Variants in ARHGAP29 observed in about 807,000 individuals in gnomAD.
ARHGAP29 encodes the protein Rho GTPase activating protein 29.
In ARHGAP29, 43 loss-of-function variants were observed where a neutral mutation model predicts 122.6. That is an observed-to-expected ratio of 0.35 (90% confidence interval 0.27 to 0.45). The LOEUF is 0.45. Ranked by LOEUF, ARHGAP29 falls within the 20% of genes least tolerant of loss-of-function variation. ARHGAP29 has a pLI of 1.00. For synonymous variants in ARHGAP29, 506 were observed against 497.1 expected, an observed-to-expected ratio of 1.02 and a Z score of -0.24; for missense variants, 1,303 against 1,477.2, an observed-to-expected ratio of 0.88 and a Z score of 1.93.
chr1:94,196,272 T>TC (rs1412987029), intron 12 of ARHGAP29, among the ~76,000 whole-genome samples: 3 of 142,442 alleles, frequency 2.1e-5, no homozygotes, highest in Non-Finnish European at 4.6e-5. Flanking sequence ...TTTTTTTTTT[T>TC]TTTTTTTGAG....
At chr1:94,215,267 T>A (rs913054808) in intron 3 of ARHGAP29, among the ~76,000 whole-genome samples, 1 of 151,658 alleles carries the variant, frequency 6.6e-6, no homozygotes, top group Non-Finnish European at 1.5e-5. Context: ...TAAATATGTA[T>A]ATTTTCCTTA....
chr1:94,185,199 T>C, intron 17 of ARHGAP29, 139 bp from the exon 18 acceptor site: 1 of 1,205,424 alleles, frequency 8.3e-7, no homozygotes, highest in Non-Finnish European at 1.1e-6. Context: ...AACAACAAAA[T>C]AAAATATAAA....
intron 18 of ARHGAP29, 136 bp downstream of exon 18, chr1:94,184,736 A>AAAACAAAACAGG: frequency 1.4e-6 from 1 of 706,730 alleles, no homozygotes; most frequent in Non-Finnish European, 2.2e-6. Context: ...CCTGGGCAAC[A>AAAACAAAACAGG]GAGTGAGACC....
intron 1 of ARHGAP29, among the ~76,000 whole-genome samples, chr1:94,265,095 C>G (rs1390246643): frequency 6.6e-6 from 1 of 152,240 alleles, no homozygotes; most frequent in African/African-American, 2.4e-5. Context: ...CCAGCTGCAT[C>G]TTAACGAACT....
the ARHGAP29 span, among the ~76,000 whole-genome samples, chr1:94,280,745 A>T: frequency 2.2e-4 from 34 of 152,206 alleles, no homozygotes; most frequent in African/African-American, 7.5e-4. Context: ...TTGATGTCTG[A>T]TGTGTAATAG....
chr1:94,243,456 G>A (rs185346584), intron 1 of ARHGAP29, among the ~76,000 whole-genome samples: 43 of 152,048 alleles, frequency 2.8e-4, no homozygotes, highest in Admixed American at 9.2e-4. Context: ...TAACCAATGG[G>A]TCAAATTTCC....
chr1:94,250,060 T>C (rs1654022275), intron 1 of ARHGAP29, among the ~76,000 whole-genome samples: 2 of 152,118 alleles, frequency 1.3e-5, no homozygotes, highest in African/African-American at 4.8e-5. Flanking sequence ...GAACCAAATA[T>C]GATGGTCACA....
intron 12 of ARHGAP29, chr1:94,196,012 T>C (rs1049370525): frequency 6.6e-6 from 1 of 152,088 alleles, no homozygotes; most frequent in African/African-American, 2.4e-5. Flanking sequence ...CTGATAGAAC[T>C]AAAAACACAC....
intron 1 of ARHGAP29, among the ~76,000 whole-genome samples, chr1:94,235,040 AAC>A (rs1168965965): frequency 6.6e-6 from 1 of 152,164 alleles, no homozygotes; most frequent in East Asian, 1.9e-4. Context: ...GCAAAAAACA[AAC>A]ACAGCAACAA....
chr1:94,185,498 T>C lies in ARHGAP29; in HGVS notation c.1781-17A>G. Reference sequence around the variant, plus strand: ...AATTGGGTCCTTGCAAGAGAAATAATTTACAAAAATTGTAAAATGATAGAA... The same window carrying C: ...AATTGGGTCCTTGCAAGAGAAATAACTTACAAAAATTGTAAAATGATAGAA... On this transcript the variant is annotated splice_polypyrimidine_tract_variant and intron_variant, in intron 16 of 22. Coordinates refer to ENST00000260526, the MANE Select transcript of ARHGAP29 (RefSeq NM_004815.4). 6.3e-7 allele frequency: 1 copy of C among 1,575,490 alleles called. No homozygotes were observed. The highest frequency in any genetic ancestry group is 8.6e-7 in the Non-Finnish European group (1 of 1,162,834).
intron 15 of ARHGAP29, among the ~76,000 whole-genome samples, chr1:94,186,958 A>G (rs1459017997): frequency 6.6e-6 from 1 of 152,230 alleles, no homozygotes; most frequent in African/African-American, 2.4e-5. Flanking sequence ...GCACAACAGT[A>G]AAGTTGTCAT....
At chr1:94,217,313 C>G (rs983321995) in intron 3 of ARHGAP29, among the ~76,000 whole-genome samples, 2 of 151,228 alleles carry the variant, frequency 1.3e-5, no homozygotes, top group Non-Finnish European at 2.9e-5. Flanking sequence ...GCAGGCAGAT[C>G]ACTTGAGGTC....
At chr1:94,230,049 T>C (rs1245004472) in intron 2 of ARHGAP29, among the ~76,000 whole-genome samples, 1 of 151,742 alleles carries the variant, frequency 6.6e-6, no homozygotes, top group African/African-American at 2.4e-5. Context: ...TCAAGGTAAA[T>C]GACTTGTCAA....
Position 94,178,202 on chromosome 1 carries a change from T to G in ARHGAP29, c.2481-35A>C, listed in dbSNP as rs1398754847. On this transcript the variant is annotated intron_variant, in intron 20 of 22. Coordinates refer to ENST00000260526, the MANE Select transcript of ARHGAP29 (RefSeq NM_004815.4). The stretch of plus-strand genomic sequence containing the variant: ...AGAACACATAAAGTTGTATGAGATT[T>G]TCCTATTAGAGTTCCTTGACTGTAG... 2.5e-6 allele frequency: 4 copies of G among 1,569,842 alleles called. No individual in the cohort carries two copies. The South Asian group carries it at 4.8e-5, about 19-fold the overall frequency.
the ARHGAP29 span, among the ~76,000 whole-genome samples, chr1:94,295,740 A>AC: frequency 9.2e-5 from 14 of 151,416 alleles, no homozygotes; most frequent in South Asian, 1.9e-3. Context: ...GAATCTTCTA[A>AC]TTCCACACAA....
chr1:94,174,838 A>G lies in ARHGAP29; in HGVS notation c.2906-89T>C, dbSNP rs150448399. The G allele has an allele frequency of 3.9e-4, 540 of 1,367,462 alleles. 5 individuals are homozygous for G. In the African/African-American group the frequency reaches 6.3e-3, roughly 16 times the overall value. The allele number at this position is 1,367,462 out of a possible 1,614,324, so 84.7% of individuals were successfully genotyped here. ...TAGAGATGAACACTCTATCAAGACA[A>G]TATGAGTCTTACATATTTTTTCCAA... On this transcript the variant is annotated intron_variant, in intron 22 of 22. Transcript: ENST00000260526.
rs529282978 is a variant in ARHGAP29, at chr1:94,259,793, G to A, written c.-33+15219C>T. 2.6e-5 allele frequency among the ~76,000 whole-genome samples: 4 copies of A among 152,266 alleles called. No homozygotes were observed. The East Asian group carries it at 5.8e-4, about 22-fold the overall frequency. ...GTGGTAGTTTGTTAAAGCAGCCACA[G>A]GAAACTAATACACATGATAAAGAAA... On this transcript the variant is annotated intron_variant and NMD_transcript_variant, in intron 1 of 25. Transcript: ENST00000552844.
chr1:94,209,878 AC>A (rs1224890480), intron 3 of ARHGAP29, among the ~76,000 whole-genome samples: 3 of 152,224 alleles, frequency 2.0e-5, no homozygotes, highest in South Asian at 4.1e-4. Context: ...TTAAAAAAAA[AC>A]ACCCAGTGAT....
At chr1:94,221,018 T>TATC in intron 2 of ARHGAP29, among the ~76,000 whole-genome samples, 1 of 152,288 alleles carries the variant, frequency 6.6e-6, no homozygotes, top group South Asian at 2.1e-4. Context: ...CTCTCTTAGA[T>TATC]AGATGAGTTT....
Sources: allele counts gnomAD v4.1 joint callset (sites outside exome capture counted in the v4.1 genomes callset), GRCh38; gene constraint gnomAD v4.1.1; transcripts MANE v1.5; gene names NCBI Gene and HGNC (gene_info 2026-07-23, HGNC 2026-07-21).